The following TRAP1 variants were observed in gnomAD, a reference collection of about 807,000 sequenced individuals.
TRAP1 encodes TNF receptor associated protein 1.
TRAP1 carries 102 observed loss-of-function variants against 89.1 expected under a neutral mutation model. The ratio of observed to expected loss-of-function variants is 1.15; its 90% CI spans 0.98 to 1.35. The LOEUF (loss-of-function observed/expected upper bound fraction) is 1.35, where lower values mean the gene tolerates loss of function less well. Ranked by LOEUF, TRAP1 falls within the 40% of genes most tolerant of loss-of-function variation. TRAP1 has a pLI of 0.00. For synonymous variants in TRAP1, 508 were observed against 388.0 expected (o/e 1.31, Z -3.64); for missense variants, 1,256 against 945.3 (o/e 1.33, Z -4.31).
rs1218029065 is a variant in TRAP1 at position 3,663,901 on chromosome 16, A to G, written c.1570-339T>C. On this transcript the variant is annotated intron_variant, in intron 13 of 17. Coordinates refer to ENST00000246957, the MANE Select transcript of TRAP1 (RefSeq NM_016292.3). Reference sequence around the variant, plus strand: ...AACATGGTGAAATGCCGTCTCTATTAAAAATACAAAAATTTGCTGGGTGTG... The same window carrying G: ...AACATGGTGAAATGCCGTCTCTATTGAAAATACAAAAATTTGCTGGGTGTG... 1.2e-4 allele frequency: 42 copies of G among 355,522 alleles called. No individual in the cohort carries two copies. In the Admixed American group the frequency reaches 1.8e-3, roughly 15 times the overall value. 22.0% of individuals were successfully genotyped at this position (355,522 alleles called of 1,614,324 possible). A position where few individuals can be genotyped will look rare whatever the true frequency, so the allele number is the denominator to read the frequency against.
intron 10 of TRAP1, among the ~76,000 whole-genome samples, chr16:3,672,416 C>G (rs931392790): frequency 6.6e-6 from 1 of 152,196 alleles, no homozygotes; most frequent in African/African-American, 2.4e-5. Flanking sequence ...TATAATCTCA[C>G]TCAAACGTAA....
intron 15 of TRAP1, chr16:3,662,557 G>C (rs2043145157): frequency 1.8e-6 from 1 of 566,408 alleles, no homozygotes; most frequent in Non-Finnish European, 3.3e-6. Context: ...GAGCATGTGA[G>C]CTCCTGAGGG....
chr16:3,713,262 G>A (rs771251210), intron 1 of TRAP1, among the ~76,000 whole-genome samples: 28 of 152,172 alleles, frequency 1.8e-4, no homozygotes, highest in Non-Finnish European at 3.5e-4. Context: ...CAAACAAAGG[G>A]AGAGCAGAGG....
intron 10 of TRAP1, 111 bp downstream of exon 10, chr16:3,672,589 G>T: frequency 7.0e-7 from 1 of 1,437,306 alleles, no homozygotes. Flanking sequence ...GGCCGACGGC[G>T]GTGCTCTCGC....
chr16:3,708,020 A>T (rs990283787), intron 1 of TRAP1, among the ~76,000 whole-genome samples: 2 of 151,770 alleles, frequency 1.3e-5, no homozygotes, highest in African/African-American at 4.8e-5. Context: ...CCCCATCTCT[A>T]AAAAAAATGT....
At chr16:3,675,534 G>A (rs970221109) in intron 7 of TRAP1, 137 bp from the exon 8 acceptor site, 1 of 744,634 alleles carries the variant, frequency 1.3e-6, no homozygotes, top group Admixed American at 2.3e-5. Flanking sequence ...TACAGAAACA[G>A]GGCACAGTGG....
intron 16 of TRAP1, chr16:3,660,926 A>C (rs2043038526): frequency 6.6e-6 from 1 of 150,518 alleles, no homozygotes; most frequent in Non-Finnish European, 1.5e-5. Flanking sequence ...CCTGTCTCAA[A>C]AATTAAAATA....
At chr16:3,686,178 T>C in intron 3 of TRAP1, 42 bp from the exon 4 acceptor site, 1 of 1,605,772 alleles carries the variant, frequency 6.2e-7, no homozygotes, top group Non-Finnish European at 8.5e-7. Flanking sequence ...TGAAGGACAC[T>C]CATCCTGCAG....
intron 1 of TRAP1, among the ~76,000 whole-genome samples, chr16:3,694,351 T>G (rs978401811): frequency 2.4e-5 from 2 of 84,124 alleles, no homozygotes; most frequent in Non-Finnish European, 5.7e-5. Flanking sequence ...TATCTTTCTC[T>G]TTTTTTTTTT....
chr16:3,684,554 C>A (rs1326047243), intron 4 of TRAP1, among the ~76,000 whole-genome samples: 1 of 152,106 alleles, frequency 6.6e-6, no homozygotes, highest in Non-Finnish European at 1.5e-5. Flanking sequence ...ACTTGGGAGG[C>A]CAAGGCGGGC....
At chr16:3,681,980 G>C (rs573001088) in intron 4 of TRAP1, among the ~76,000 whole-genome samples, 1 of 152,234 alleles carries the variant, frequency 6.6e-6, no homozygotes, top group Admixed American at 6.5e-5. Context: ...CAATAATTAA[G>C]ACAGTGCGAT....
intron 1 of TRAP1, among the ~76,000 whole-genome samples, chr16:3,703,948 G>A (rs2051404218): frequency 2.0e-5 from 3 of 149,504 alleles, no homozygotes; most frequent in Non-Finnish European, 4.4e-5. Flanking sequence ...GCGGGAGGCG[G>A]AGCGTGCAGT....
In TRAP1 at chr16:3,676,123, C is replaced by T. The variant is rs142136495; in HGVS notation, c.727G>A (p.Glu243Lys). ...GTCCCGGTTCTAACTCCCGAAGCTT[C>T]GGCGATTTCAAACACTCCAGAACTA... ...SDGSGVFEIA[E>K]ASGVRTGTKI... is the part of the protein sequence containing the mutation. The change falls in exon 7 of 18, where the codon GAA becomes AAA. Residue 243 changes from glutamate to lysine, a missense_variant. Physicochemically the swap from Glu to Lys is moderately conservative, Grantham distance 56. Transcript: ENST00000246957. 63 of 1,613,842 alleles carry T rather than the reference C, an allele frequency of 3.9e-5. No homozygotes were observed. The highest frequency in any genetic ancestry group is 1.8e-4 in the Admixed American group (11 of 59,950).
intron 1 of TRAP1, among the ~76,000 whole-genome samples, chr16:3,699,602 C>G (rs1377895533): frequency 7.1e-6 from 1 of 140,680 alleles, no homozygotes; most frequent in Non-Finnish European, 1.5e-5. Context: ...CTCCAGCAGC[C>G]TGGGTGACAA....
intron 1 of TRAP1, among the ~76,000 whole-genome samples, chr16:3,706,661 A>G (rs2051451530): frequency 1.3e-5 from 2 of 151,622 alleles, no homozygotes; most frequent in African/African-American, 2.4e-5. Flanking sequence ...GAGTCTCACT[A>G]TGTTGTCCAG....
intron 3 of TRAP1, among the ~76,000 whole-genome samples, chr16:3,688,162 G>C (rs1040683567): frequency 4.0e-5 from 6 of 151,570 alleles, no homozygotes; most frequent in Admixed American, 2.0e-4. Flanking sequence ...CCCCAAATGA[G>C]TTTTGCGGGG....
chr16:3,683,409 G>T (rs1013599994), intron 4 of TRAP1, among the ~76,000 whole-genome samples: 2 of 145,456 alleles, frequency 1.4e-5, no homozygotes, highest in Non-Finnish European at 1.5e-5. Context: ...TTTTTGAGAC[G>T]AGTTTCACTC....
chr16:3,702,806 G>C (rs1408815573), intron 1 of TRAP1, among the ~76,000 whole-genome samples: 1 of 151,636 alleles, frequency 6.6e-6, no homozygotes, highest in East Asian at 1.9e-4. Context: ...ACTTTGGGAG[G>C]CTGTGGTAGG....
At chr16:3,691,115 G>T (rs1377222394) in intron 1 of TRAP1, 130 bp from the exon 2 acceptor site, 3 of 850,322 alleles carry the variant, frequency 3.5e-6, no homozygotes, top group Non-Finnish European at 4.9e-6. Context: ...TGCTGAAAGA[G>T]AAATCCACAG....
Sources: gnomAD v4.1 joint callset for allele counts (sites outside exome capture counted in the v4.1 genomes callset) on GRCh38, gnomAD v4.1.1 for gene constraint, MANE v1.5 for transcripts, NCBI Gene and HGNC (gene_info 2026-07-23, HGNC 2026-07-21) for gene names.